Variants in AGBL1 observed in about 807,000 individuals in gnomAD.
AGBL1 encodes cytosolic carboxypeptidase 4.
In AGBL1, 130 loss-of-function variants were observed where a neutral mutation model predicts 118.9. The ratio of observed to expected loss-of-function variants is 1.09; its 90% CI spans 0.95 to 1.26. The LOEUF is 1.26. Ranked by LOEUF, AGBL1 falls within the 50% of genes most tolerant of loss-of-function variation. AGBL1 has a pLI of 0.00. For missense variants in AGBL1, 1,584 were observed against 1,298.1 expected (o/e 1.22, Z -3.38); for synonymous variants, 555 against 478.9 (o/e 1.16, Z -2.08).
chr15:86,943,576 C>T (rs1304317135), intron 23 of AGBL1, among the ~76,000 whole-genome samples: 2 of 152,222 alleles, frequency 1.3e-5, no homozygotes, highest in East Asian at 3.9e-4. Flanking sequence ...AAGATGCTGG[C>T]CACCCCACCC....
At chr15:86,187,463 G>A (rs775856395) in intron 5 of AGBL1, among the ~76,000 whole-genome samples, 65 of 152,200 alleles carry the variant, frequency 4.3e-4, no homozygotes, top group Non-Finnish European at 7.6e-4. Flanking sequence ...AATAACATTA[G>A]GTCAGAAGCC....
At chr15:86,262,972 T>C in intron 10 of AGBL1, 78 bp downstream of exon 10, 5 of 1,021,448 alleles carry the variant, frequency 4.9e-6, no homozygotes, top group Non-Finnish European at 7.5e-6. Flanking sequence ...CAAACCAGGG[T>C]GTCCAGATGG....
At chr15:86,992,390 A>G (rs1429788432) in intron 24 of AGBL1, among the ~76,000 whole-genome samples, 1 of 152,204 alleles carries the variant, frequency 6.6e-6, no homozygotes, top group Non-Finnish European at 1.5e-5. Flanking sequence ...TATTTAGTTA[A>G]TGCAAAAATA....
chr15:86,827,938 C>CTTTTTTTTTTTTTTTTTGTTTTTT (rs2079053033), intron 22 of AGBL1, among the ~76,000 whole-genome samples: 1 of 16,760 alleles, frequency 6.0e-5, no homozygotes, highest in African/African-American at 2.0e-4. Flanking sequence ...TGATGTAGGG[C>CTTTTTTTTTTTTTTTTTGTTTTTT]TTTTTTTTTT....
At chr15:86,706,438 T>C (rs1371219629) in intron 22 of AGBL1, among the ~76,000 whole-genome samples, 1 of 152,100 alleles carries the variant, frequency 6.6e-6, no homozygotes, top group Non-Finnish European at 1.5e-5. Context: ...GAAATGCCAG[T>C]CTTTTGAGTT....
intron 22 of AGBL1, among the ~76,000 whole-genome samples, chr15:86,782,004 G>A (rs895679242): frequency 3.3e-5 from 5 of 151,940 alleles, no homozygotes; most frequent in Non-Finnish European, 7.4e-5. Context: ...TTCTGGATCT[G>A]TGGCAGAGTT....
intron 24 of AGBL1, among the ~76,000 whole-genome samples, chr15:86,997,987 C>G (rs2081395937): frequency 1.3e-5 from 2 of 151,226 alleles, no homozygotes; most frequent in African/African-American, 4.9e-5. Flanking sequence ...TTTACATGTT[C>G]TGTGTAAATG....
chr15:86,295,489 G>C, intron 17 of AGBL1, 81 bp downstream of exon 17: 1 of 1,408,478 alleles, frequency 7.1e-7, no homozygotes, highest in Non-Finnish European at 9.5e-7. Context: ...GTCTCTTTTA[G>C]ATCAAAAGCT....
In AGBL1 at chr15:86,928,430, C is replaced by A. The variant is rs548884244; in HGVS notation, c.3222-59557C>A. Among the ~76,000 whole-genome samples, 5 of 152,258 alleles carry A rather than the reference C, an allele frequency of 3.3e-5. No homozygotes were observed. The South Asian group carries it at 1.0e-3, about 32-fold the overall frequency. On this transcript the variant is annotated intron_variant, in intron 23 of 24. Transcript: ENST00000441037. ...AGTCCAAATCAATCCTGACAATGAA[C>A]CCGATTTTCTTTGAGGCTCAGTGAT...
At chr15:86,183,508 C>T (rs1207473779) in intron 5 of AGBL1, among the ~76,000 whole-genome samples, 1 of 152,140 alleles carries the variant, frequency 6.6e-6, no homozygotes, top group East Asian at 1.9e-4. Flanking sequence ...ATTTTCACCA[C>T]ACCATGCTGT....
At chr15:86,918,204 A>G (rs573141303), downstream of AGBL1, among the ~76,000 whole-genome samples, 1 of 152,346 alleles carries the variant, frequency 6.6e-6, no homozygotes, top group South Asian at 2.1e-4. Flanking sequence ...AATGTTTACT[A>G]TTCACAAAAC....
intron 22 of AGBL1, among the ~76,000 whole-genome samples, chr15:86,808,932 A>G (rs963871062): frequency 2.0e-5 from 3 of 152,026 alleles, no homozygotes; most frequent in African/African-American, 2.4e-5. Context: ...CTCAATAACT[A>G]TTTGTTAGCA....
chr15:86,866,668 A>G (rs917991237), intron 22 of AGBL1, among the ~76,000 whole-genome samples: 2 of 152,324 alleles, frequency 1.3e-5, no homozygotes, highest in South Asian at 4.1e-4. Flanking sequence ...AGCCTGGCCA[A>G]CATGGTAAAA....
chr15:86,728,506 G>T (rs938240078), intron 22 of AGBL1, among the ~76,000 whole-genome samples: 6 of 152,028 alleles, frequency 3.9e-5, no homozygotes, highest in African/African-American at 1.4e-4. Context: ...CTACCTTTTC[G>T]CCTCCAGCAT....
chr15:86,344,899 A>G (rs976298819), intron 17 of AGBL1, among the ~76,000 whole-genome samples: 2 of 152,126 alleles, frequency 1.3e-5, no homozygotes, highest in Admixed American at 6.6e-5. Flanking sequence ...TGCCCTGTTC[A>G]GAGCCCTTTG....
intron 24 of AGBL1, among the ~76,000 whole-genome samples, chr15:87,005,726 G>T (rs149231630): frequency 6.6e-6 from 1 of 152,044 alleles, no homozygotes; most frequent in Non-Finnish European, 1.5e-5. Context: ...GCTTTGTTTC[G>T]TTGCTGGTGA....
At chr15:86,375,417 C>T (rs1367961642) in intron 17 of AGBL1, among the ~76,000 whole-genome samples, 2 of 151,616 alleles carry the variant, frequency 1.3e-5, no homozygotes, top group East Asian at 2.0e-4. Flanking sequence ...AGACTGCCCC[C>T]ATGATCCAGT....
At chr15:86,979,481 T>C (rs1056737789) in intron 23 of AGBL1, among the ~76,000 whole-genome samples, 2 of 145,924 alleles carry the variant, frequency 1.4e-5, no homozygotes, top group African/African-American at 5.0e-5. Context: ...CACTTTCTTT[T>C]TTTCTTTCTT....
At chr15:86,239,174 G>T (rs531741270) in intron 6 of AGBL1, among the ~76,000 whole-genome samples, 17 of 152,316 alleles carry the variant, frequency 1.1e-4, no homozygotes, top group African/African-American at 4.1e-4. Flanking sequence ...GGTCTGAAGT[G>T]TAGTCTCTTA....
Sources: allele counts gnomAD v4.1 joint callset (sites outside exome capture counted in the v4.1 genomes callset), GRCh38; gene constraint gnomAD v4.1.1; transcripts MANE v1.5; gene names NCBI Gene and HGNC (gene_info 2026-07-23, HGNC 2026-07-21).